ANKHD1: variants seen among roughly 807,000 people sequenced by gnomAD.
The protein encoded by ANKHD1 is ankyrin repeat and KH domain containing 1.
Under a neutral mutation model 230.5 loss-of-function variants are expected in ANKHD1, and 31 were observed. The observed-to-expected ratio is 0.13, with a 90% CI of 0.10 to 0.18. The LOEUF (loss-of-function observed/expected upper bound fraction) is 0.18. Among genes scored for constraint, ANKHD1 ranks in the 10% least tolerant of loss-of-function variants. The pLI is 1.00. For missense variants in ANKHD1, 2,256 were observed against 3,071.3 expected (o/e 0.73, Z 6.27); for synonymous variants, 1,074 against 1,117.6 (o/e 0.96, Z 0.78).
rs150838079 is a variant in ANKHD1 at position 140,536,784 on chromosome 5, G to A, written c.7028-605G>A. Among the ~76,000 whole-genome samples the A allele has an allele frequency of 2.7e-3, 411 of 152,294 alleles. 1 individual carries two copies. The highest frequency in any genetic ancestry group is 9.4e-3 in the African/African-American group (390 of 41,546). ...CACGTCTGTAATCCCAGCACTTTGG[G>A]AGGCTGAGACGGGCAGATCACCTGA... On this transcript the variant is annotated intron_variant, in intron 30 of 33. Transcript: ENST00000360839.
chr5:140,479,105 T>A (rs1017068916), intron 10 of ANKHD1, among the ~76,000 whole-genome samples: 4 of 151,884 alleles, frequency 2.6e-5, no homozygotes, highest in Non-Finnish European at 5.9e-5. Context: ...TTCATGCCAT[T>A]CTCCTGCCTC....
chr5:140,435,536 G>A (rs1024239744), intron 1 of ANKHD1, among the ~76,000 whole-genome samples: 13 of 151,516 alleles, frequency 8.6e-5, no homozygotes, highest in African/African-American at 2.9e-4. Flanking sequence ...ACCTCACCAC[G>A]CCCGGCTAAT....
chr5:140,402,062 C>T lies in ANKHD1; in HGVS notation c.95C>T (p.Pro32Leu), dbSNP rs1432961936. The change falls in exon 1 of 34, where the codon CCT becomes CTT. Residue 32 changes from proline to leucine, a missense_variant. Coordinates refer to ENST00000360839, the MANE Select transcript of ANKHD1 (RefSeq NM_017747.3). Reference protein sequence around the residue: ...RSAPAGASEPPPPGGVGLGIR... With the variant: ...RSAPAGASEPLPPGGVGLGIR... ...GCCCCAGCTGGGGCCTCGGAGCCGCCTCCGCCGGGAGGGGTCGGTCTGGGG... is the reference window on the plus strand; with the variant it reads ...GCCCCAGCTGGGGCCTCGGAGCCGCTTCCGCCGGGAGGGGTCGGTCTGGGG... 2.0e-6 allele frequency: 3 copies of T among 1,491,108 alleles called. No homozygotes were observed. Among genetic ancestry groups the T allele is most frequent in the South Asian group, 2.7e-5 (2 of 73,864 alleles). The allele number at this position is 1,491,108 out of a possible 1,614,324, so 92.4% of individuals were successfully genotyped here. A position where few individuals can be genotyped will look rare whatever the true frequency, so the allele number is the denominator to read the frequency against.
rs1349331048 is a variant in ANKHD1 at position 140,402,178 on chromosome 5, G to C, written c.211G>C (p.Gly71Arg). Residue 71 changes from glycine (G) to arginine (R), a missense_variant, in exon 1 of 34, where the codon GGG becomes CGG. Transcript: ENST00000360839. The stretch of plus-strand genomic sequence containing the variant: ...CGGCAGCGGCAGCGGTACGGGCGGA[G>C]GGGACGCGGCGCTGGATTTCAAGTT... ...GGGSGSGTGG[G>R]DAALDFKLAA... 6.6e-7 allele frequency: 1 copy of C among 1,526,458 alleles called. No homozygotes were observed. The highest frequency in any genetic ancestry group is 8.8e-7 in the Non-Finnish European group (1 of 1,141,480). The allele number at this position is 1,526,458 out of a possible 1,614,324, so 94.6% of individuals were successfully genotyped here.
At chr5:140,475,572 T>TA (rs35783464) in intron 10 of ANKHD1, among the ~76,000 whole-genome samples, 18,448 of 150,560 alleles carry the variant, frequency 0.12, 1,489 homozygotes, top group Non-Finnish European at 0.18. Context: ...CCAAAAAAAC[T>TA]AAAAAAAAGG....
Position 140,485,343 on chromosome 5 carries a change from G to C in ANKHD1, c.1998+95G>C. 1 of 1,469,830 alleles carries C rather than the reference G, an allele frequency of 6.8e-7. No individual in the cohort carries two copies. The highest frequency in any genetic ancestry group is 1.4e-5 in the South Asian group (1 of 72,374). 91.0% of individuals were successfully genotyped at this position (1,469,830 alleles called of 1,614,324 possible). ...AAGCTGAGGCGGGTGGATCACTTGA[G>C]CCCAGGAGTTTGAGACTAGTCTAGG... On this transcript the variant is annotated intron_variant, in intron 12 of 33. Transcript: ENST00000360839. This position sits in a 1 kb window ranked among gnomAD's most constrained non-coding sequence, Gnocchi z 4.8.
At chr5:140,512,174 T>C (rs1752800176) in intron 22 of ANKHD1, among the ~76,000 whole-genome samples, 1 of 149,510 alleles carries the variant, frequency 6.7e-6, no homozygotes, top group Non-Finnish European at 1.5e-5. Flanking sequence ...AGGCGGAGGT[T>C]GCAGTGAGAC....
At chr5:140,472,061 T>TA (rs1475265002) in intron 10 of ANKHD1, among the ~76,000 whole-genome samples, 1 of 152,112 alleles carries the variant, frequency 6.6e-6, no homozygotes, top group Non-Finnish European at 1.5e-5. Flanking sequence ...ATCACCCCCT[T>TA]AAAAAAATTT....
intron 16 of ANKHD1, 74 bp downstream of exon 16, chr5:140,505,040 T>G (rs1330544460): frequency 1.2e-6 from 2 of 1,603,844 alleles, no homozygotes; most frequent in Non-Finnish European, 1.7e-6. Flanking sequence ...ATTCTGCATT[T>G]ATTGTGAAAA....
At chr5:140,442,455 G>C (rs1432709455) in intron 5 of ANKHD1, among the ~76,000 whole-genome samples, 2 of 152,060 alleles carry the variant, frequency 1.3e-5, no homozygotes, top group East Asian at 3.8e-4. Flanking sequence ...GGATGAAACT[G>C]TTTCACCTCA....
chr5:140,525,822 C>T (rs1230083606), intron 25 of ANKHD1, among the ~76,000 whole-genome samples, 174 bp from the exon 26 acceptor site: 1 of 144,910 alleles, frequency 6.9e-6, no homozygotes. Flanking sequence ...GGCGACAGAG[C>T]AAGACTCCAT....
At chr5:140,440,391 C>T in intron 4 of ANKHD1, 125 bp downstream of exon 4, 1 of 1,353,544 alleles carries the variant, frequency 7.4e-7, no homozygotes, top group Non-Finnish European at 9.5e-7. Flanking sequence ...TCCTCCTTCC[C>T]TTTTTGGTAG....
intron 17 of ANKHD1, 119 bp downstream of exon 17, chr5:140,505,352 G>C: frequency 8.6e-7 from 1 of 1,163,866 alleles, no homozygotes; most frequent in Non-Finnish European, 1.2e-6. Context: ...GTATATTTCA[G>C]TTAGGAATAT....
intron 1 of ANKHD1, among the ~76,000 whole-genome samples, chr5:140,426,530 T>C (rs1020504811): frequency 1.3e-5 from 2 of 151,982 alleles, no homozygotes; most frequent in East Asian, 3.9e-4. Context: ...ATTTATTTAT[T>C]TTTTTATTGA....
intron 15 of ANKHD1, among the ~76,000 whole-genome samples, chr5:140,499,445 T>C (rs1161100527): frequency 6.6e-6 from 1 of 152,172 alleles, no homozygotes; most frequent in Non-Finnish European, 1.5e-5. Flanking sequence ...AATTCTACTT[T>C]AGAATTTTAC....
chr5:140,479,365 A>G (rs1751140954), intron 10 of ANKHD1, among the ~76,000 whole-genome samples: 1 of 152,132 alleles, frequency 6.6e-6, no homozygotes, highest in Non-Finnish European at 1.5e-5. Context: ...AAACTGCATG[A>G]TATTTAAGTT....
chr5:140,432,270 G>C (rs950394051), intron 1 of ANKHD1, among the ~76,000 whole-genome samples: 7 of 152,062 alleles, frequency 4.6e-5, no homozygotes, highest in African/African-American at 1.7e-4. Flanking sequence ...CCACTCCCAA[G>C]GCAACCTATT....
intron 25 of ANKHD1, chr5:140,524,937 T>TAAA (rs199775607): frequency 2.5e-4 from 73 of 289,204 alleles, no homozygotes; most frequent in Non-Finnish European, 3.3e-4. Flanking sequence ...CGTCTCTACT[T>TAAA]AAAAAAAAAA....
chr5:140,442,033 C>CTTTTTTTTTT (rs901282726), intron 5 of ANKHD1, among the ~76,000 whole-genome samples: 1 of 86,908 alleles, frequency 1.2e-5, no homozygotes, highest in Non-Finnish European at 2.2e-5. Flanking sequence ...ATAAGATATT[C>CTTTTTTTTTT]TTTTTTTTTT....
Sources: allele counts gnomAD v4.1 joint callset (sites outside exome capture counted in the v4.1 genomes callset), GRCh38; gene constraint gnomAD v4.1.1; non-coding constraint Gnocchi (gnomAD v3.1); transcripts MANE v1.5; gene names NCBI Gene and HGNC (gene_info 2026-07-23, HGNC 2026-07-21).